LMTK2: variants seen among roughly 807,000 people sequenced by gnomAD.
LMTK2 encodes serine/threonine-protein kinase LMTK2.
In LMTK2, 37 loss-of-function variants were observed where a neutral mutation model predicts 127.5. That is an observed-to-expected ratio of 0.29 (90% CI 0.22 to 0.38). The LOEUF is 0.38. Among genes scored for constraint, LMTK2 ranks in the 10% least tolerant of loss-of-function variants. The probability of loss-of-function intolerance (pLI) is 1.00; values close to 1 mark genes in which losing one functional copy is unlikely to be tolerated. For missense variants in LMTK2, 1,694 were observed against 1,920.3 expected (o/e 0.88, Z 2.20); for synonymous variants, 819 against 810.1 (o/e 1.01, Z -0.19).
At chr7:98,152,795 AGAGG>A (rs892185430) in intron 4 of LMTK2, among the ~76,000 whole-genome samples, 2 of 152,158 alleles carry the variant, frequency 1.3e-5, no homozygotes, top group African/African-American at 4.8e-5. Flanking sequence ...TGGAAGTCAT[AGAGG>A]GGGAAGGTGA....
At chr7:98,173,913 G>A (rs953480431) in intron 7 of LMTK2, among the ~76,000 whole-genome samples, 5 of 152,018 alleles carry the variant, frequency 3.3e-5, no homozygotes, top group African/African-American at 1.2e-4. Context: ...AAAATTAGCC[G>A]GATGTGGTGA....
intron 1 of LMTK2, among the ~76,000 whole-genome samples, chr7:98,127,260 G>A (rs181324128): frequency 3.9e-4 from 60 of 152,226 alleles, no homozygotes; most frequent in Non-Finnish European, 7.9e-4. Context: ...AAGTCTCTGG[G>A]CTGCAGTGCT....
chr7:98,130,441 C>T (rs572278031), intron 1 of LMTK2, among the ~76,000 whole-genome samples: 1 of 152,264 alleles, frequency 6.6e-6, no homozygotes, highest in African/African-American at 2.4e-5. Context: ...GTCTTTGGCT[C>T]TTCTTTGTTT....
intron 1 of LMTK2, among the ~76,000 whole-genome samples, chr7:98,131,056 C>T (rs1796513416): frequency 1.3e-5 from 2 of 152,166 alleles, no homozygotes; most frequent in Non-Finnish European, 2.9e-5. Context: ...GAATTAGCTG[C>T]AGCCCATCTT....
intron 3 of LMTK2, among the ~76,000 whole-genome samples, chr7:98,146,389 T>C (rs1410990824): frequency 6.6e-6 from 1 of 151,958 alleles, no homozygotes; most frequent in South Asian, 2.1e-4. Context: ...GATAGTTTTT[T>C]TATTTTATTT....
Position 98,193,802 on chromosome 7 carries a change from C to T in LMTK2, c.3337C>T (p.Pro1113Ser). ...SAYFSDNDSE[P>S]EKRSEEVPGT... The stretch of plus-strand genomic sequence containing the variant: ...GTACTTCTCAGACAATGACTCTGAG[C>T]CCGAGAAAAGGTCTGAGGAGGTCCC... The change falls in exon 11 of 14, where the codon CCC becomes TCC. Residue 1113 changes from proline to serine, a missense_variant. Coordinates refer to ENST00000297293, the MANE Select transcript of LMTK2 (RefSeq NM_014916.4). The surrounding 1 kb of genome is among the most constrained non-coding windows in gnomAD (Gnocchi z 4.1). 1 of 1,613,984 alleles carries T rather than the reference C, an allele frequency of 6.2e-7. No individual in the cohort carries two copies. The highest frequency in any genetic ancestry group is 1.7e-5 in the Admixed American group (1 of 60,012).
At chr7:98,117,693 G>A (rs963194707) in intron 1 of LMTK2, among the ~76,000 whole-genome samples, 4 of 152,270 alleles carry the variant, frequency 2.6e-5, no homozygotes, top group African/African-American at 4.8e-5. Flanking sequence ...TGGGCCAGGC[G>A]CAGTGGCTCA....
At chr7:98,140,949 C>T (rs1324192405) in intron 2 of LMTK2, among the ~76,000 whole-genome samples, 3 of 151,198 alleles carry the variant, frequency 2.0e-5, no homozygotes, top group Non-Finnish European at 2.9e-5. Context: ...CCCAGCTACT[C>T]GGGAGGCTGA....
At chr7:98,130,805 A>G (rs1324689746) in intron 1 of LMTK2, among the ~76,000 whole-genome samples, 1 of 152,196 alleles carries the variant, frequency 6.6e-6, no homozygotes, top group East Asian at 1.9e-4. Flanking sequence ...TTGATCTTGG[A>G]CTTGGAGCTT....
intron 13 of LMTK2, among the ~76,000 whole-genome samples, chr7:98,204,819 C>T (rs1045576520): frequency 6.6e-6 from 1 of 152,210 alleles, no homozygotes; most frequent in African/African-American, 2.4e-5. Context: ...ATAGTCCCTC[C>T]TCCGCACTCT....
At chr7:98,132,148 C>T (rs532320058) in intron 1 of LMTK2, among the ~76,000 whole-genome samples, 52 of 152,288 alleles carry the variant, frequency 3.4e-4, no homozygotes, top group Non-Finnish European at 6.6e-4. Flanking sequence ...ACAACCACAA[C>T]GGATGGAAGC....
At chr7:98,203,509 G>T in intron 11 of LMTK2, 65 bp from the exon 12 acceptor site, 1 of 1,524,352 alleles carries the variant, frequency 6.6e-7, no homozygotes. Flanking sequence ...CAGTGGGGAA[G>T]CGGTCACACG....
At chr7:98,180,655 C>G (rs557879493) in intron 7 of LMTK2, among the ~76,000 whole-genome samples, 21 of 152,092 alleles carry the variant, frequency 1.4e-4, no homozygotes, top group Non-Finnish European at 2.9e-4. Context: ...TTGGAAAGGG[C>G]CTGACTACAA....
intron 11 of LMTK2, among the ~76,000 whole-genome samples, chr7:98,196,738 G>C (rs79507752): frequency 0.01 from 1,553 of 152,284 alleles, 16 homozygotes; most frequent in South Asian, 0.05. Flanking sequence ...AAAAGATGAA[G>C]ATCTGTGACA....
chr7:98,203,635 G>A lies in LMTK2; in HGVS notation c.4169G>A (p.Gly1390Asp), dbSNP rs200702141. ...GGEACGPDLS[G>D]PAPASGSPYL... is the part of the protein sequence containing the mutation. ...GAGGCGTGCGGCCCGGACCTGAGCG[G>A]CCCAGCCCCAGCCTCAGGCTCTCCC... The change falls in exon 12 of 14, where the codon GGC becomes GAC. Residue 1390 changes from glycine (G) to aspartate (D), a missense_variant. Physicochemically the swap from Gly to Asp is moderately conservative, Grantham distance 94. This residue lies in a region of LMTK2 where 554 missense variants were observed against 567.7 expected (regional missense o/e 0.98). Coordinates refer to ENST00000297293, the MANE Select transcript of LMTK2 (RefSeq NM_014916.4). 4.2e-5 allele frequency: 68 copies of A among 1,613,442 alleles called. No homozygotes were observed. In the East Asian group the frequency reaches 1.4e-3, roughly 34 times the overall value.
At chr7:98,131,166 C>T (rs755821762) in intron 1 of LMTK2, among the ~76,000 whole-genome samples, 1 of 152,082 alleles carries the variant, frequency 6.6e-6, no homozygotes, top group African/African-American at 2.4e-5. Flanking sequence ...AAGATAAGGA[C>T]TACATTTAAA....
chr7:98,160,986 T>C (rs1797006908), intron 6 of LMTK2, among the ~76,000 whole-genome samples: 1 of 152,236 alleles, frequency 6.6e-6, no homozygotes, highest in Non-Finnish European at 1.5e-5. Context: ...TTTACACCTC[T>C]TGTAAATAGT....
chr7:98,185,913 T>G (rs1009704544), intron 8 of LMTK2, among the ~76,000 whole-genome samples: 1 of 152,118 alleles, frequency 6.6e-6, no homozygotes, highest in Admixed American at 6.5e-5. Context: ...GTTCTGTTTT[T>G]CGGAGTTCTT....
At chr7:98,129,912 G>A (rs1235455402) in intron 1 of LMTK2, among the ~76,000 whole-genome samples, 1 of 152,076 alleles carries the variant, frequency 6.6e-6, no homozygotes, top group African/African-American at 2.4e-5. Context: ...GCAGCCTAGT[G>A]GGGAAGGCAT....
Sources: gnomAD v4.1 joint callset for allele counts (sites outside exome capture counted in the v4.1 genomes callset) on GRCh38, gnomAD v4.1.1 for gene constraint, gnomAD v4.1.1 regional missense constraint, Gnocchi (gnomAD v3.1) non-coding constraint, MANE v1.5 for transcripts, NCBI Gene and HGNC (gene_info 2026-07-23, HGNC 2026-07-21) for gene names.